The following INTS13 variants were observed in gnomAD, a reference collection of about 807,000 sequenced individuals.
The protein encoded by INTS13 is integrator complex subunit 13.
Under a neutral mutation model 90.2 loss-of-function variants are expected in INTS13, and 35 were observed. That is an observed-to-expected ratio of 0.39 (90% confidence interval 0.30 to 0.51). The LOEUF is 0.51. Among genes scored for constraint, INTS13 ranks in the 20% least tolerant of loss-of-function variants. The pLI is 0.80. For missense variants in INTS13, 601 were observed against 851.2 expected (o/e 0.71, Z 3.66); for synonymous variants, 309 against 277.1 (o/e 1.11, Z -1.14).
At chr12:26,913,820 A>G in intron 13 of INTS13, 133 bp from the exon 14 acceptor site, 1 of 1,111,408 alleles carries the variant, frequency 9.0e-7, no homozygotes, top group Non-Finnish European at 1.3e-6. Flanking sequence ...TCTAGGCTAC[A>G]ATATATCCAT....
At chr12:26,924,278 C>G in intron 7 of INTS13, 77 bp downstream of exon 7, 3 of 1,491,222 alleles carry the variant, frequency 2.0e-6, no homozygotes, top group Non-Finnish European at 2.7e-6. Flanking sequence ...CAGGCATGAG[C>G]TACCACGCCT....
At chr12:26,934,916 A>G (rs2136324837) in intron 2 of INTS13, among the ~76,000 whole-genome samples, 3 of 152,350 alleles carry the variant, frequency 2.0e-5, no homozygotes, top group Admixed American at 2.0e-4. Context: ...AAATAAATGA[A>G]CAAGATAATT....
In INTS13 at chr12:26,913,478, T is replaced by C. The variant is rs1276444472; in HGVS notation, c.1784A>G (p.Lys595Arg). The C allele has an allele frequency of 6.2e-7, 1 of 1,614,100 alleles. No homozygotes were observed. Among genetic ancestry groups the C allele is most frequent in the Middle Eastern group, 1.6e-4 (1 of 6,062 alleles). ...TCACCTCTCTGAGTCTTGCCAAGAC[T>C]TTTCCTGTTCATAATCTTTCACTGC... ...EKAVKDYEQE[K>R]SWQDSERLKG... is the part of the protein sequence containing the mutation. The change falls in exon 14 of 17, where the codon AAG becomes AGG. Residue 595 changes from lysine (K) to arginine (R), a missense_variant. By Grantham distance (26) the Lys-to-Arg change is conservative. Transcript: ENST00000261191.
intron 11 of INTS13, among the ~76,000 whole-genome samples, 165 bp downstream of exon 11, chr12:26,915,837 G>C (rs1951916970): frequency 6.6e-6 from 1 of 152,102 alleles, no homozygotes. Context: ...ATGATAAATA[G>C]AATTTTTGAG....
At chr12:26,926,834 C>G (rs139002344) in intron 5 of INTS13, among the ~76,000 whole-genome samples, 5 of 152,352 alleles carry the variant, frequency 3.3e-5, no homozygotes, top group African/African-American at 1.2e-4. Flanking sequence ...TCCTGGACAG[C>G]TCCCCAATGG....
At chr12:26,919,421 C>T (rs1039278303) in intron 8 of INTS13, among the ~76,000 whole-genome samples, 1 of 151,962 alleles carries the variant, frequency 6.6e-6, no homozygotes, top group African/African-American at 2.4e-5. Context: ...AAAGCATAGG[C>T]ACGGGGCGGG....
In INTS13 at chr12:26,936,697, T is replaced by C; in HGVS notation, c.107A>G (p.Asn36Ser). Residue 36 changes from asparagine (N) to serine (S), a missense_variant, in exon 2 of 17, where the codon AAT (asparagine) becomes AGT (serine). Physicochemically the swap from Asn to Ser is conservative, Grantham distance 46. This residue lies in a region of INTS13 where 284 missense variants were observed against 387.7 expected (regional missense o/e 0.73). Coordinates refer to ENST00000261191, the MANE Select transcript of INTS13 (RefSeq NM_018164.3). ...QHVEFDMLVKNRTQGIIPLAP... is the reference protein window; with the variant it reads ...QHVEFDMLVKSRTQGIIPLAP... ...CAAAGGAATGATTCCTTGGGTTCTA[T>C]TCTTCACCAGCATATCAAACTCGAC... The C allele has an allele frequency of 6.2e-7, 1 of 1,614,058 alleles. No individual in the cohort carries two copies. Among genetic ancestry groups the C allele is most frequent in the Non-Finnish European group, 8.5e-7 (1 of 1,179,924 alleles).
chr12:26,909,783 G>T (rs1481002283), intron 15 of INTS13, among the ~76,000 whole-genome samples: 1 of 152,168 alleles, frequency 6.6e-6, no homozygotes, highest in East Asian at 1.9e-4. Flanking sequence ...TGGCTTCAAA[G>T]AAACTAGTGA....
At chr12:26,927,595 AAAATTT>A (rs1196806328) in intron 5 of INTS13, among the ~76,000 whole-genome samples, 1 of 152,188 alleles carries the variant, frequency 6.6e-6, no homozygotes, top group African/African-American at 2.4e-5. Context: ...CAATTTTTTA[AAAATTT>A]AAATTTAAAT....
intron 8 of INTS13, among the ~76,000 whole-genome samples, chr12:26,919,220 C>T (rs1473077219): frequency 2.6e-5 from 4 of 151,460 alleles, no homozygotes; most frequent in Non-Finnish European, 4.4e-5. Flanking sequence ...AGAGGAAAGA[C>T]TATTCAGGCA....
At chr12:26,938,315 A>T (rs959981468), upstream of INTS13, 6 of 152,254 alleles carry the variant, frequency 3.9e-5, no homozygotes, top group Non-Finnish European at 7.3e-5. Context: ...TTCCCCTGGA[A>T]AAACTCGCGA....
At chr12:26,933,747 C>G (rs1456452123) in intron 3 of INTS13, among the ~76,000 whole-genome samples, 1 of 151,894 alleles carries the variant, frequency 6.6e-6, no homozygotes. Context: ...CCTCAGGGGA[C>G]AAAATCAAAC....
chr12:26,907,189 G>A (rs1339044783), intron 15 of INTS13, among the ~76,000 whole-genome samples: 1 of 152,186 alleles, frequency 6.6e-6, no homozygotes, highest in Non-Finnish European at 1.5e-5. Context: ...ACAAAAGTTA[G>A]AAGATTCTTA....
At chr12:26,935,156 A>T (rs963547478) in intron 2 of INTS13, among the ~76,000 whole-genome samples, 7 of 152,264 alleles carry the variant, frequency 4.6e-5, no homozygotes, top group Non-Finnish European at 8.8e-5. Flanking sequence ...ACAAACTCAG[A>T]GAAAGAGGCA....
At chr12:26,907,651 C>A (rs1951649782) in intron 15 of INTS13, among the ~76,000 whole-genome samples, 1 of 152,100 alleles carries the variant, frequency 6.6e-6, no homozygotes, top group Admixed American at 6.6e-5. Flanking sequence ...AAGAACAACC[C>A]ACAGACTGGG....
chr12:26,935,498 A>G (rs1008097101), intron 2 of INTS13, among the ~76,000 whole-genome samples: 1 of 152,212 alleles, frequency 6.6e-6, no homozygotes, highest in Non-Finnish European at 1.5e-5. Flanking sequence ...GATATATTTT[A>G]CAAGTCACTT....
intron 2 of INTS13, among the ~76,000 whole-genome samples, chr12:26,934,876 G>C (rs916211415): frequency 6.6e-6 from 1 of 152,166 alleles, no homozygotes; most frequent in Non-Finnish European, 1.5e-5. Context: ...AGTCTACTAG[G>C]ACAGAAGGCA....
chr12:26,911,721 T>C (rs184075305), intron 14 of INTS13, among the ~76,000 whole-genome samples: 5 of 152,344 alleles, frequency 3.3e-5, no homozygotes, highest in Admixed American at 6.5e-5. Flanking sequence ...CTCTAGTCTA[T>C]GTATTGTGTA....
rs1951866604 is a variant in INTS13, at chr12:26,914,123, A to C, written c.1425T>G (p.Val475=). 1.9e-6 allele frequency: 3 copies of C among 1,574,096 alleles called. No homozygotes were observed. The highest frequency in any genetic ancestry group is 2.1e-5 in the Admixed American group (1 of 48,326). Residue 475 remains valine, a synonymous_variant, in exon 13 of 17, where the codon GTT becomes GTG. Coordinates refer to ENST00000261191, the MANE Select transcript of INTS13 (RefSeq NM_018164.3). The part of the protein sequence containing the change: ...QTTIFNMQAV[V]PLASVIVKES... ...CTTTCACAATAACACTGGCTAATGG[A>C]ACTACCTGTTAGATTTTTTTTAAAG... is the stretch of plus-strand genomic sequence containing the variant.
Sources: allele counts gnomAD v4.1 joint callset (sites outside exome capture counted in the v4.1 genomes callset), GRCh38; gene constraint gnomAD v4.1.1; regional missense constraint gnomAD v4.1.1; transcripts MANE v1.5; gene names NCBI Gene and HGNC (gene_info 2026-07-23, HGNC 2026-07-21).